Variants in IL27 observed in about 807,000 individuals in gnomAD.
IL27 encodes the protein interleukin 27.
Under a neutral mutation model 27.0 loss-of-function variants are expected in IL27, and 11 were observed. The ratio of observed to expected loss-of-function variants is 0.41; its 90% CI spans 0.26 to 0.67. IL27 has a LOEUF of 0.67. IL27 is among the 30% of genes least tolerant of loss of function. IL27 has a pLI of 0.34. For missense variants in IL27, 299 were observed against 310.4 expected (o/e 0.96, Z 0.28); for synonymous variants, 134 against 140.6 (o/e 0.95, Z 0.33).
intron 4 of IL27, among the ~76,000 whole-genome samples, chr16:28,501,369 C>T (rs2046427844): frequency 6.6e-6 from 1 of 151,756 alleles, no homozygotes; most frequent in Non-Finnish European, 1.5e-5. Context: ...CATACACTCA[C>T]AGTCTCACAC....
intron 1 of IL27, among the ~76,000 whole-genome samples, chr16:28,504,564 G>T (rs1334711183): frequency 6.7e-6 from 1 of 148,874 alleles, no homozygotes; most frequent in East Asian, 1.9e-4. Context: ...GCCCACTTTT[G>T]CAAAAAGACC....
In IL27 at chr16:28,499,414, A is replaced by G. The variant is rs1596575198; in HGVS notation, c.*237T>C. 1 of 499,900 alleles carries G rather than the reference A, an allele frequency of 2.0e-6. No homozygotes were observed. The highest frequency in any genetic ancestry group is 3.1e-5 in the East Asian group (1 of 32,378). 31.0% of individuals were successfully genotyped at this position (499,900 alleles called of 1,614,324 possible). A position where few individuals can be genotyped will look rare whatever the true frequency, so the allele number is the denominator to read the frequency against. The stretch of plus-strand genomic sequence containing the variant: ...AGCATGGGGGCTTGGCCCGAGGAGG[A>G]CCATCGGGCCCCAAGACAATAAATA... On this transcript the variant is annotated 3_prime_UTR_variant, in exon 5 of 5. Coordinates refer to ENST00000356897, the MANE Select transcript of IL27 (RefSeq NM_145659.3).
intron 3 of IL27, 86 bp from the exon 4 acceptor site, chr16:28,502,220 C>T: frequency 7.8e-7 from 1 of 1,282,746 alleles, no homozygotes; most frequent in South Asian, 1.4e-5. Flanking sequence ...GGGTCTCCTT[C>T]CCATTCCACG....
intron 4 of IL27, among the ~76,000 whole-genome samples, chr16:28,500,353 C>T (rs1164604923): frequency 6.6e-6 from 1 of 152,052 alleles, no homozygotes; most frequent in Non-Finnish European, 1.5e-5. Context: ...CGGCTCACTG[C>T]AACCTCTGTC....
intron 1 of IL27, among the ~76,000 whole-genome samples, chr16:28,504,289 C>A (rs1322757066): frequency 3.3e-5 from 5 of 152,090 alleles, no homozygotes; most frequent in Non-Finnish European, 7.4e-5. Context: ...ACCAGCCTGG[C>A]CAACATGGCG....
chr16:28,499,611 G>T lies in IL27; in HGVS notation c.*40C>A. The T allele has an allele frequency of 6.5e-7, 1 of 1,533,654 alleles. No individual in the cohort carries two copies. Among genetic ancestry groups the T allele is most frequent in the Non-Finnish European group, 8.9e-7 (1 of 1,126,114 alleles). ...CTGATGCCAAGACTCCAGTCCTAAAGTTCTAAAGGGTGGGGGGCAGGGGGC... is the reference window on the plus strand; with the variant it reads ...CTGATGCCAAGACTCCAGTCCTAAATTTCTAAAGGGTGGGGGGCAGGGGGC... On this transcript the variant is annotated 3_prime_UTR_variant, in exon 5 of 5. Transcript: ENST00000356897.
chr16:28,504,475 A>AAAAAC (rs200363028), intron 1 of IL27, among the ~76,000 whole-genome samples: 11,559 of 151,578 alleles, frequency 0.076, 517 homozygotes, highest in East Asian at 0.19. Context: ...TCTGTCTCAA[A>AAAAAC]AAAACAAAAC....
At chr16:28,503,325 C>A (rs979566831) in intron 3 of IL27, among the ~76,000 whole-genome samples, 6 of 152,122 alleles carry the variant, frequency 3.9e-5, no homozygotes, top group Non-Finnish European at 5.9e-5. Context: ...TCATAACTCA[C>A]TGCAGCCTCC....
rs188138747 is a variant in IL27 at position 28,504,358 on chromosome 16, A to G, written c.32-308T>C. 2.5e-3 allele frequency among the ~76,000 whole-genome samples: 386 copies of G among 152,278 alleles called. 1 individual carries two copies. The highest frequency in any genetic ancestry group is 4.2e-3 in the Non-Finnish European group (289 of 68,026). On this transcript the variant is annotated intron_variant, in intron 1 of 4. Coordinates refer to ENST00000356897, the MANE Select transcript of IL27 (RefSeq NM_145659.3). The stretch of plus-strand genomic sequence containing the variant: ...TTGGGCGTGGTGGTGCATGCCTGTA[A>G]TCCCAGCTACTCAGGAGGTTGAGGC...
intron 1 of IL27, 111 bp from the exon 2 acceptor site, chr16:28,504,161 G>T: frequency 6.2e-6 from 7 of 1,133,588 alleles, no homozygotes; most frequent in Non-Finnish European, 8.6e-6. Context: ...ACTTTGACCA[G>T]CATCATTCCT....
intron 1 of IL27, among the ~76,000 whole-genome samples, chr16:28,506,310 C>T (rs537512074): frequency 6.6e-6 from 1 of 152,312 alleles, no homozygotes; most frequent in Admixed American, 6.5e-5. Flanking sequence ...CTGCAGCCAC[C>T]AGCCGCAGAT....
intron 4 of IL27, among the ~76,000 whole-genome samples, chr16:28,501,562 CA>C (rs371880057): frequency 0.039 from 4,266 of 108,500 alleles, 99 homozygotes; most frequent in African/African-American, 0.073. Context: ...ACAGCCCCCC[CA>C]CACACACACT....
At chr16:28,503,661 A>G (rs1159465721) in intron 3 of IL27, 34 bp downstream of exon 3, 1 of 1,524,562 alleles carries the variant, frequency 6.6e-7, no homozygotes, top group Non-Finnish European at 8.9e-7. Flanking sequence ...GCCTATCACA[A>G]GCTTCCCGCC....
intron 4 of IL27, among the ~76,000 whole-genome samples, 175 bp downstream of exon 4, chr16:28,501,801 C>A (rs1048493988): frequency 6.7e-5 from 10 of 149,634 alleles, no homozygotes; most frequent in Non-Finnish European, 1.5e-4. Context: ...ACTCACTCTC[C>A]CACACTTACG....
At chr16:28,502,767 T>C (rs2046439961) in intron 3 of IL27, among the ~76,000 whole-genome samples, 1 of 152,144 alleles carries the variant, frequency 6.6e-6, no homozygotes, top group Non-Finnish European at 1.5e-5. Flanking sequence ...CCGCGTTCCA[T>C]GCCTAGCTCC....
Position 28,502,122 on chromosome 16 carries a change from G to T in IL27, c.316C>A (p.Leu106Ile). The change falls in exon 4 of 5, where the codon CTC (leucine) becomes ATC (isoleucine). Residue 106 changes from leucine to isoleucine, a missense_variant. Transcript: ENST00000356897. ...TGAAGCGTGGTGGAGATGAAGCAGA[G>T]ACGCTCCGGGTCCTGAAGGGGAGGG... ...AWRRLSDPER[L>I]CFISTTLQPF... is the part of the protein sequence containing the mutation. The T allele has an allele frequency of 6.2e-7, 1 of 1,606,372 alleles. No individual in the cohort carries two copies. Among genetic ancestry groups the T allele is most frequent in the Non-Finnish European group, 8.5e-7 (1 of 1,176,298 alleles).
At position 28,503,702 on chromosome 16, in the gene IL27, C is replaced by T. The variant is rs147323193; in HGVS notation, c.296G>A (p.Arg99His). The change falls in exon 3 of 5, where the codon CGC (arginine) becomes CAC (histidine). Residue 99 changes from arginine (R) to histidine (H), a missense_variant. Physicochemically the swap from Arg to His is conservative, Grantham distance 29. Coordinates refer to ENST00000356897, the MANE Select transcript of IL27 (RefSeq NM_145659.3). ...CCACCAGCCCTCACTCACAGAGAGG[C>T]GGCGCCAGGCCTGGAAGGTCAGGGA... is the stretch of plus-strand genomic sequence containing the variant. ...DVSLTFQAWR[R>H]LSDPERLCFI... 99 of 1,607,842 alleles carry T rather than the reference C, an allele frequency of 6.2e-5. No homozygotes were observed. In the African/African-American group the frequency reaches 1.1e-3, roughly 17 times the overall value.
At chr16:28,505,851 ACCCCTGGGCTCTG>A (rs1285993842) in intron 1 of IL27, among the ~76,000 whole-genome samples, 1 of 151,676 alleles carries the variant, frequency 6.6e-6, no homozygotes, top group Non-Finnish European at 1.5e-5. Flanking sequence ...TCAATCTCTA[ACCCCTGGGCTCTG>A]CTCTTCGAAA....
Position 28,499,487 on chromosome 16 carries a change from C to A in IL27, c.*164G>T. 1 of 580,806 alleles carries A rather than the reference C, an allele frequency of 1.7e-6. No homozygotes were observed. Among genetic ancestry groups the A allele is most frequent in the East Asian group, 2.8e-5 (1 of 36,126 alleles). 36.0% of individuals were successfully genotyped at this position (580,806 alleles called of 1,614,324 possible). ...AAATAAATATCCAAGAAATAAATAG[C>A]TGGCGAGGACCAGAGGGGCTTTCAG... On this transcript the variant is annotated 3_prime_UTR_variant, in exon 5 of 5. Coordinates refer to ENST00000356897, the MANE Select transcript of IL27 (RefSeq NM_145659.3).
Sources: allele counts gnomAD v4.1 joint callset (sites outside exome capture counted in the v4.1 genomes callset), GRCh38; gene constraint gnomAD v4.1.1; transcripts MANE v1.5; gene names NCBI Gene and HGNC (gene_info 2026-07-23, HGNC 2026-07-21).